The following KAT6B variants were observed in gnomAD, a reference collection of about 807,000 sequenced individuals.
KAT6B encodes lysine acetyltransferase 6B, also known as histone acetyltransferase KAT6B.
KAT6B carries 10 observed loss-of-function variants against 187.5 expected under a neutral mutation model. The ratio of observed to expected loss-of-function variants is 0.05; its 90% confidence interval spans 0.03 to 0.09. The LOEUF is 0.09. KAT6B is among the 10% of genes least tolerant of loss of function. KAT6B has a pLI of 1.00. For synonymous variants in KAT6B, 861 were observed against 926.8 expected, an observed-to-expected ratio of 0.93 and a Z score of 1.29; for missense variants, 1,952 against 2,558.9, an observed-to-expected ratio of 0.76 and a Z score of 5.12.
chr10:74,981,137 A>G (rs938847946), intron 10 of KAT6B, among the ~76,000 whole-genome samples: 1 of 152,218 alleles, frequency 6.6e-6, no homozygotes, highest in Non-Finnish European at 1.5e-5. Flanking sequence ...TTGATTTTTT[A>G]GGGTGGTGGT....
intron 13 of KAT6B, among the ~76,000 whole-genome samples, chr10:75,002,756 AT>A (rs1196244186): frequency 6.6e-6 from 1 of 152,238 alleles, no homozygotes; most frequent in Non-Finnish European, 1.5e-5. Flanking sequence ...TGGGACTACC[AT>A]TGAATATGTG....
At chr10:74,976,538 T>C (rs1418756427) in intron 8 of KAT6B, 1 of 613,452 alleles carries the variant, frequency 1.6e-6, no homozygotes, top group African/African-American at 1.8e-5. Flanking sequence ...CAACTAATAC[T>C]CTCCCACCTT....
rs1433219712 is a variant in KAT6B, at chr10:75,027,029, C to T, written c.3665-1460C>T. Among the ~76,000 whole-genome samples, 8 of 152,206 alleles carry T rather than the reference C, an allele frequency of 5.3e-5. No homozygotes were observed. The East Asian group carries it at 1.5e-3, about 29-fold the overall frequency. On this transcript the variant is annotated intron_variant, in intron 17 of 17. Coordinates refer to ENST00000287239, the MANE Select transcript of KAT6B (RefSeq NM_012330.4). ...GATGCATGCCTGTAAGTCCCAGCTA[C>T]TTGGGAGGCTGAGGCAGGAGAATCG...
At chr10:74,940,563 C>T (rs887111008) in intron 3 of KAT6B, among the ~76,000 whole-genome samples, 3 of 150,148 alleles carry the variant, frequency 2.0e-5, no homozygotes, top group African/African-American at 2.5e-5. Flanking sequence ...CGTGAGTCAC[C>T]GTGCCCGGCC....
At chr10:74,956,908 G>T (rs903620673) in intron 3 of KAT6B, among the ~76,000 whole-genome samples, 1 of 152,152 alleles carries the variant, frequency 6.6e-6, no homozygotes, top group Non-Finnish European at 1.5e-5. Flanking sequence ...GCATGTTGTT[G>T]GGAAAATGTG....
rs545000457 is a variant in KAT6B, at chr10:74,934,296, C to G, written c.622-25674C>G. Among the ~76,000 whole-genome samples, 11 of 151,690 alleles carry G rather than the reference C, an allele frequency of 7.3e-5. 1 individual carries two copies. The highest frequency in any genetic ancestry group is 1.3e-4 in the Non-Finnish European group (9 of 67,970). ...GTCACTACCAAGTTTTCTGCCTTGG[C>G]AATTTTTTTCTGAAAACTTTATTGA... On this transcript the variant is annotated intron_variant, in intron 3 of 17. Transcript: ENST00000287239.
chr10:74,894,061 T>C (rs1052837341), intron 3 of KAT6B, among the ~76,000 whole-genome samples: 2 of 152,180 alleles, frequency 1.3e-5, no homozygotes, highest in African/African-American at 4.8e-5. Context: ...AGCCTGAAAC[T>C]TTGCAGCCTT....
At position 75,029,025 on chromosome 10, in the gene KAT6B, G is replaced by T; in HGVS notation, c.4201G>T (p.Asp1401Tyr). The change falls in exon 18 of 18, where the codon GAC becomes TAC. Residue 1401 changes from aspartate (D) to tyrosine (Y), a missense_variant. Around this residue, in one of 9 missense-constraint regions of KAT6B, gnomAD observed 758 missense variants for 891.4 expected, o/e 0.85. Coordinates refer to ENST00000287239, the MANE Select transcript of KAT6B (RefSeq NM_012330.4). The surrounding 1 kb of genome is among the most constrained non-coding windows in gnomAD (Gnocchi z 6.2). ...EEPEISTEKEDSARLDDHEEE... is the reference protein window; with the variant it reads ...EEPEISTEKEYSARLDDHEEE... ...ACCAGAAATCTCCACGGAAAAAGAA[G>T]ACTCTGCACGTTTGGATGATCACGA... is the stretch of plus-strand genomic sequence containing the variant. The T allele has an allele frequency of 6.2e-7, 1 of 1,614,080 alleles. No individual in the cohort carries two copies. Among genetic ancestry groups the T allele is most frequent in the Non-Finnish European group, 8.5e-7 (1 of 1,180,002 alleles).
chr10:74,885,275 T>C (rs1456674035), intron 3 of KAT6B, among the ~76,000 whole-genome samples: 2 of 152,082 alleles, frequency 1.3e-5, no homozygotes, highest in African/African-American at 4.8e-5. Context: ...TCTCTCTATG[T>C]TGCCCAAGCT....
intron 10 of KAT6B, among the ~76,000 whole-genome samples, chr10:74,981,343 C>CTTCCTTTCT (rs1554836821): frequency 0.047 from 6,601 of 140,506 alleles, 425 homozygotes; most frequent in African/African-American, 0.16. Flanking sequence ...TCCTTCCTTT[C>CTTCCTTTCT]TTCCTTTCTT....
chr10:74,900,753 A>G (rs1428978325), intron 3 of KAT6B, among the ~76,000 whole-genome samples: 4 of 152,230 alleles, frequency 2.6e-5, no homozygotes, highest in Non-Finnish European at 5.9e-5. Context: ...GTCCCAGCCA[A>G]TAGCTATCAC....
intron 12 of KAT6B, among the ~76,000 whole-genome samples, chr10:74,987,804 C>T (rs1406862772): frequency 6.6e-6 from 1 of 152,212 alleles, no homozygotes; most frequent in African/African-American, 2.4e-5. Context: ...GGAATGGTAT[C>T]AAGGATGAAT....
chr10:74,925,750 A>G (rs933820594), intron 3 of KAT6B, among the ~76,000 whole-genome samples: 1 of 152,176 alleles, frequency 6.6e-6, no homozygotes, highest in Admixed American at 6.5e-5. Context: ...CAGTGTTATC[A>G]CTATTGTTTG....
intron 13 of KAT6B, among the ~76,000 whole-genome samples, chr10:75,001,009 G>A (rs917058348): frequency 5.9e-5 from 9 of 151,998 alleles, no homozygotes; most frequent in East Asian, 1.9e-4. Context: ...GGTTTGCAGC[G>A]TCCTTCTACA....
chr10:74,873,881 G>T (rs953128689), intron 3 of KAT6B, among the ~76,000 whole-genome samples: 3 of 152,096 alleles, frequency 2.0e-5, no homozygotes, highest in Non-Finnish European at 4.4e-5. Flanking sequence ...GAGATGAAAT[G>T]ACTCATTTAG....
chr10:74,938,764 TCTCA>T (rs1468368888), intron 3 of KAT6B, among the ~76,000 whole-genome samples: 1 of 151,878 alleles, frequency 6.6e-6, no homozygotes, highest in African/African-American at 2.4e-5. Context: ...TGAGACAGAG[TCTCA>T]CTCTGTCACA....
intron 3 of KAT6B, among the ~76,000 whole-genome samples, chr10:74,867,711 T>G (rs149771853): frequency 6.6e-6 from 1 of 152,234 alleles, no homozygotes; most frequent in African/African-American, 2.4e-5. Flanking sequence ...GATTATCTTA[T>G]TGAATTAAGG....
intron 13 of KAT6B, among the ~76,000 whole-genome samples, chr10:74,999,459 G>A (rs1279536459): frequency 1.3e-5 from 2 of 152,178 alleles, no homozygotes; most frequent in Non-Finnish European, 2.9e-5. Context: ...CAGGGCTGAG[G>A]GTGGAGTGCT....
chr10:74,897,806 A>G (rs1458248756), intron 3 of KAT6B, among the ~76,000 whole-genome samples: 1 of 152,246 alleles, frequency 6.6e-6, no homozygotes, highest in African/African-American at 2.4e-5. Flanking sequence ...GCTTACGCTC[A>G]GTAAATGAAC....
Sources: gnomAD v4.1 joint callset for allele counts (sites outside exome capture counted in the v4.1 genomes callset) on GRCh38, gnomAD v4.1.1 for gene constraint, gnomAD v4.1.1 regional missense constraint, Gnocchi (gnomAD v3.1) non-coding constraint, MANE v1.5 for transcripts, NCBI Gene and HGNC (gene_info 2026-07-23, HGNC 2026-07-21) for gene names.